Variants in LY96 observed in about 807,000 individuals in gnomAD.
LY96 encodes lymphocyte antigen 96, also known as myeloid differentiation protein-2.
In LY96, 18 loss-of-function variants were observed where a neutral mutation model predicts 18.9. The ratio of observed to expected loss-of-function variants is 0.95; its 90% CI spans 0.66 to 1.41. LY96 has a LOEUF of 1.41. Ranked by LOEUF, LY96 falls within the 40% of genes most tolerant of loss-of-function variation. The pLI, the probability that LY96 is intolerant of heterozygous loss-of-function variation, is 0.00. For synonymous variants in LY96, 66 were observed against 62.6 expected (o/e 1.06, Z -0.26); for missense variants, 175 against 182.4 (o/e 0.96, Z 0.23).
the LY96 span, among the ~76,000 whole-genome samples, chr8:74,064,932 T>C: frequency 2.6e-5 from 4 of 152,170 alleles, no homozygotes; most frequent in African/African-American, 7.2e-5. Context: ...TAAGAACTCA[T>C]TAGGGGTAGA....
the LY96 span, among the ~76,000 whole-genome samples, chr8:74,087,889 G>C: frequency 1.3e-5 from 2 of 151,796 alleles, no homozygotes; most frequent in African/African-American, 4.8e-5. Flanking sequence ...TGTCTTTATG[G>C]GTCTTCCTCT....
the LY96 span, among the ~76,000 whole-genome samples, chr8:74,071,569 T>G: frequency 6.6e-6 from 1 of 152,312 alleles, no homozygotes; most frequent in Admixed American, 6.5e-5. Context: ...GAACCACTTC[T>G]CCACCCAAGA....
At chr8:74,035,497 C>T in the LY96 span, among the ~76,000 whole-genome samples, 2 of 152,110 alleles carry the variant, frequency 1.3e-5, no homozygotes, top group Non-Finnish European at 2.9e-5. Context: ...TTCTAAAGCC[C>T]CCCTCCAACC....
the LY96 span, among the ~76,000 whole-genome samples, chr8:74,064,568 C>T: frequency 4.6e-5 from 7 of 152,188 alleles, no homozygotes; most frequent in African/African-American, 1.7e-4. Context: ...CTTTTGCTCC[C>T]TCTCTGGCCA....
intron 3 of LY96, among the ~76,000 whole-genome samples, chr8:74,012,604 A>C (rs1280294472): frequency 6.6e-6 from 1 of 152,200 alleles, no homozygotes; most frequent in Non-Finnish European, 1.5e-5. Flanking sequence ...AAAAGCCCTG[A>C]CTTGACCACT....
chr8:74,081,142 C>CTTTCTTCTTTCT, the LY96 span, among the ~76,000 whole-genome samples: 2 of 123,822 alleles, frequency 1.6e-5, no homozygotes, highest in African/African-American at 6.3e-5. Flanking sequence ...TCCTTCCTTC[C>CTTTCTTCTTTCT]TTCTTTCTTT....
the LY96 span, among the ~76,000 whole-genome samples, chr8:74,060,013 C>T: frequency 6.6e-6 from 1 of 152,040 alleles, no homozygotes; most frequent in South Asian, 2.1e-4. Context: ...GTGGTGTGCA[C>T]GAGTGGTCCC....
At chr8:74,028,594 T>G (rs1277634085) in intron 4 of LY96, among the ~76,000 whole-genome samples, 1 of 152,242 alleles carries the variant, frequency 6.6e-6, no homozygotes, top group African/African-American at 2.4e-5. Flanking sequence ...ATAATACCAT[T>G]GTGATTCTAG....
chr8:74,067,805 T>C, the LY96 span, among the ~76,000 whole-genome samples: 14 of 152,120 alleles, frequency 9.2e-5, no homozygotes, highest in African/African-American at 3.1e-4. Flanking sequence ...CTTACGCCTA[T>C]AATCCAGCAC....
At chr8:74,010,242 T>C in intron 3 of LY96, 113 bp downstream of exon 3, 2 of 1,046,294 alleles carry the variant, frequency 1.9e-6, no homozygotes, top group Non-Finnish European at 2.8e-6. Context: ...TAATTCTTTT[T>C]CCATCCAAAG....
intron 2 of LY96, among the ~76,000 whole-genome samples, chr8:74,009,314 G>A (rs1460082697): frequency 7.4e-6 from 1 of 135,954 alleles, no homozygotes; most frequent in Non-Finnish European, 1.5e-5. Context: ...AGAATTGCTT[G>A]AACCTGGGCA....
chr8:74,097,906 C>T, the LY96 span, among the ~76,000 whole-genome samples: 1 of 152,146 alleles, frequency 6.6e-6, no homozygotes, highest in Non-Finnish European at 1.5e-5. Context: ...GACACTATCC[C>T]TAGGTACTTT....
chr8:74,010,746 T>C (rs997740569), intron 3 of LY96, among the ~76,000 whole-genome samples: 17 of 152,130 alleles, frequency 1.1e-4, no homozygotes, highest in Non-Finnish European at 1.9e-4. Flanking sequence ...TTTCCAGTCC[T>C]GTCATCTTTA....
chr8:74,026,121 A>G (rs982762215), intron 3 of LY96, among the ~76,000 whole-genome samples: 10 of 149,976 alleles, frequency 6.7e-5, no homozygotes, highest in African/African-American at 2.3e-4. Flanking sequence ...ACTTCTGAGA[A>G]CAATATTATA....
At chr8:74,030,323 G>A (rs999502132), downstream of LY96, among the ~76,000 whole-genome samples, 71 of 152,238 alleles carry the variant, frequency 4.7e-4, no homozygotes, top group African/African-American at 1.7e-3. Context: ...GACCAGCCTG[G>A]CCAACATGGT....
chr8:74,081,039 T>TTTC, the LY96 span, among the ~76,000 whole-genome samples: 53 of 119,950 alleles, frequency 4.4e-4, 1 homozygote, highest in Admixed American at 9.7e-4. Flanking sequence ...TCTTTCTTTC[T>TTTC]TTCTTTCTTT....
downstream of LY96, among the ~76,000 whole-genome samples, chr8:74,030,695 A>G (rs1220309711): frequency 4.6e-5 from 7 of 151,904 alleles, no homozygotes; most frequent in African/African-American, 1.7e-4. Context: ...ACTCCAGACA[A>G]CGTAGCAGCT....
chr8:74,055,378 A>C, the LY96 span, among the ~76,000 whole-genome samples: 1 of 152,124 alleles, frequency 6.6e-6, no homozygotes, highest in Non-Finnish European at 1.5e-5. Context: ...CTAGTTAAAA[A>C]TTTCATGACC....
chr8:74,071,249 CT>C, the LY96 span, among the ~76,000 whole-genome samples: 10,837 of 136,974 alleles, frequency 0.079, 552 homozygotes, highest in African/African-American at 0.16. Context: ...CTTACAAGGA[CT>C]TTTTTTTTTT....
Sources: allele counts gnomAD v4.1 joint callset (sites outside exome capture counted in the v4.1 genomes callset), GRCh38; gene constraint gnomAD v4.1.1; transcripts MANE v1.5; gene names NCBI Gene and HGNC (gene_info 2026-07-23, HGNC 2026-07-21).